The following XKR4 variants were observed in gnomAD, a reference collection of about 807,000 sequenced individuals.
The protein encoded by XKR4 is XK-related protein 4.
Under a neutral mutation model 53.9 loss-of-function variants are expected in XKR4, and 12 were observed. The ratio of observed to expected loss-of-function variants is 0.22; its 90% CI spans 0.14 to 0.36. The LOEUF is 0.36. XKR4 is among the 10% of genes least tolerant of loss of function. XKR4 has a pLI of 1.00. For synonymous variants in XKR4, 354 were observed against 362.4 expected (o/e 0.98, Z 0.26); for missense variants, 799 against 859.5 (o/e 0.93, Z 0.88).
In XKR4 at chr8:55,103,045, C is replaced by G. The variant is rs1326117158; in HGVS notation, c.557C>G (p.Pro186Arg). 2.5e-6 allele frequency: 4 copies of G among 1,612,520 alleles called. No individual in the cohort carries two copies. The highest frequency in any genetic ancestry group is 1.7e-6 in the Non-Finnish European group (2 of 1,179,746). Residue 186 changes from proline (P) to arginine (R), a missense_variant, in exon 1 of 3, where the codon CCG becomes CGG. Coordinates refer to ENST00000327381, the MANE Select transcript of XKR4 (RefSeq NM_052898.2). ...SATAAAASSC[P>R]QPGADCKTVV... ...ACGGCCGCTGCTGCCTCCAGCTGCC[C>G]GCAGCCTGGAGCCGATTGCAAGACG...
intron 1 of XKR4, among the ~76,000 whole-genome samples, chr8:55,214,565 T>C (rs905841821): frequency 1.3e-5 from 2 of 152,184 alleles, no homozygotes; most frequent in African/African-American, 4.8e-5. Context: ...CCAAAATATA[T>C]TGAGTAGTGA....
intron 1 of XKR4, among the ~76,000 whole-genome samples, chr8:55,179,990 A>G (rs768233926): frequency 6.6e-6 from 1 of 152,226 alleles, no homozygotes; most frequent in Admixed American, 6.5e-5. Flanking sequence ...GAAGACCTTA[A>G]TTATACTCAT....
Position 55,130,449 on chromosome 8 carries a change from G to A in XKR4, c.806+27155G>A, listed in dbSNP as rs1370198126. ...GGGCTGTGTGCCTGGAGCACAGGGA[G>A]CAAGTGGCATCAGAGGAGGAAGGAG... On this transcript the variant is annotated intron_variant, in intron 1 of 2. Coordinates refer to ENST00000327381, the MANE Select transcript of XKR4 (RefSeq NM_052898.2). Among the ~76,000 whole-genome samples the A allele has an allele frequency of 2.0e-5, 3 of 152,212 alleles. No individual in the cohort carries two copies. In the East Asian group the frequency reaches 5.8e-4, roughly 29 times the overall value.
At chr8:55,440,240 G>A (rs1202560324) in intron 2 of XKR4, among the ~76,000 whole-genome samples, 2 of 152,074 alleles carry the variant, frequency 1.3e-5, no homozygotes, top group African/African-American at 4.8e-5. Context: ...AAAATATGTT[G>A]AACTCCAAGT....
At chr8:55,433,751 A>G (rs935876558) in intron 2 of XKR4, among the ~76,000 whole-genome samples, 2 of 152,224 alleles carry the variant, frequency 1.3e-5, no homozygotes, top group African/African-American at 2.4e-5. Flanking sequence ...GCAGAGCAAG[A>G]ATCTAGTTCT....
At chr8:55,372,387 G>T (rs554156230) in intron 2 of XKR4, among the ~76,000 whole-genome samples, 6 of 152,274 alleles carry the variant, frequency 3.9e-5, no homozygotes, top group Non-Finnish European at 8.8e-5. Flanking sequence ...CGTTTGCTTT[G>T]ACTGAATATC....
chr8:55,121,628 G>A (rs1026547523), intron 1 of XKR4, among the ~76,000 whole-genome samples: 1 of 152,118 alleles, frequency 6.6e-6, no homozygotes, highest in African/African-American at 2.4e-5. Context: ...TGCTGGACAT[G>A]TAGACATTGA....
At chr8:55,207,465 T>C (rs1423251606) in intron 1 of XKR4, among the ~76,000 whole-genome samples, 1 of 152,222 alleles carries the variant, frequency 6.6e-6, no homozygotes, top group Non-Finnish European at 1.5e-5. Flanking sequence ...TGTACTGGGC[T>C]TTCTTTTATG....
At chr8:55,368,873 C>A (rs1804030546) in intron 2 of XKR4, among the ~76,000 whole-genome samples, 1 of 152,214 alleles carries the variant, frequency 6.6e-6, no homozygotes, top group South Asian at 2.1e-4. Flanking sequence ...TGGAATGTCA[C>A]AGTGTTATTT....
intron 2 of XKR4, among the ~76,000 whole-genome samples, chr8:55,384,559 A>G (rs1248601874): frequency 6.6e-6 from 1 of 151,918 alleles, no homozygotes; most frequent in Non-Finnish European, 1.5e-5. Context: ...CCAAGCAAGG[A>G]CTCTCCTTTT....
At chr8:55,284,448 G>A (rs911314033) in intron 1 of XKR4, among the ~76,000 whole-genome samples, 1 of 152,098 alleles carries the variant, frequency 6.6e-6, no homozygotes, top group Non-Finnish European at 1.5e-5. Flanking sequence ...ACTGGGGTTG[G>A]AGGATACCCT....
intron 1 of XKR4, among the ~76,000 whole-genome samples, chr8:55,251,003 C>T (rs1196078044): frequency 6.6e-6 from 1 of 152,104 alleles, no homozygotes; most frequent in East Asian, 1.9e-4. Context: ...TTTGAGAGTG[C>T]TAGGAATCCA....
chr8:55,402,604 G>C (rs897159003), intron 2 of XKR4, among the ~76,000 whole-genome samples: 4 of 152,186 alleles, frequency 2.6e-5, no homozygotes, highest in Non-Finnish European at 5.9e-5. Flanking sequence ...TATTCAAAAT[G>C]ATGAGAGACT....
intron 2 of XKR4, chr8:55,453,751 G>T (rs1482872146): frequency 2.8e-5 from 11 of 391,508 alleles, no homozygotes; most frequent in African/African-American, 2.1e-5. Context: ...ACAGGTTCTT[G>T]TTCTTGCAGA....
chr8:55,263,859 G>T (rs1194430401), intron 1 of XKR4, among the ~76,000 whole-genome samples: 1 of 152,168 alleles, frequency 6.6e-6, no homozygotes, highest in Non-Finnish European at 1.5e-5. Context: ...CACACTCAGG[G>T]TTGCAGAAAT....
At chr8:55,178,266 G>A (rs75475679) in intron 1 of XKR4, among the ~76,000 whole-genome samples, 2 of 152,238 alleles carry the variant, frequency 1.3e-5, no homozygotes, top group African/African-American at 2.4e-5. Context: ...TGAAGTAATC[G>A]CTGAGATACA....
At chr8:55,268,024 C>T (rs955394745) in intron 1 of XKR4, among the ~76,000 whole-genome samples, 35 of 152,070 alleles carry the variant, frequency 2.3e-4, no homozygotes, top group African/African-American at 7.7e-4. Context: ...AAAGATTAAG[C>T]GATTAATTGA....
intron 2 of XKR4, among the ~76,000 whole-genome samples, chr8:55,441,650 A>G (rs1054078593): frequency 6.6e-6 from 1 of 152,172 alleles, no homozygotes; most frequent in Non-Finnish European, 1.5e-5. Flanking sequence ...TTTCACACAG[A>G]TACATTTCTT....
intron 1 of XKR4, among the ~76,000 whole-genome samples, chr8:55,295,718 G>T (rs16921566): frequency 6.6e-6 from 1 of 152,118 alleles, no homozygotes; most frequent in African/African-American, 2.4e-5. Flanking sequence ...TTTTGGCTAG[G>T]ACTGTGTCTC....
Sources: allele counts gnomAD v4.1 joint callset (sites outside exome capture counted in the v4.1 genomes callset), GRCh38; gene constraint gnomAD v4.1.1; transcripts MANE v1.5; gene names NCBI Gene and HGNC (gene_info 2026-07-23, HGNC 2026-07-21).